PKIB: variants seen among roughly 807,000 people sequenced by gnomAD.
The protein encoded by PKIB is PKI-beta.
Under a neutral mutation model 4.5 loss-of-function variants are expected in PKIB, and 2 were observed. That is an observed-to-expected ratio of 0.44 (90% CI 0.18 to 1.39). The LOEUF is 1.39. Among genes scored for constraint, PKIB ranks in the 40% most tolerant of loss-of-function variants. The probability of loss-of-function intolerance (pLI) is 0.27; values close to 1 mark genes in which losing one functional copy is unlikely to be tolerated. For missense variants in PKIB, 94 were observed against 92.6 expected, an observed-to-expected ratio of 1.02 and a Z score of -0.06; for synonymous variants, 38 against 36.0, an observed-to-expected ratio of 1.06 and a Z score of -0.20.
At chr6:122,547,637 C>G (rs1002455749) in intron 2 of PKIB, among the ~76,000 whole-genome samples, 1 of 151,108 alleles carries the variant, frequency 6.6e-6, no homozygotes, top group Non-Finnish European at 1.5e-5. Flanking sequence ...CGCGCCCGGC[C>G]TATTCAGCAG....
intron 3 of PKIB, among the ~76,000 whole-genome samples, chr6:122,705,936 C>A (rs1010111798): frequency 6.6e-6 from 1 of 152,172 alleles, no homozygotes; most frequent in Non-Finnish European, 1.5e-5. Flanking sequence ...TTACAGGATA[C>A]GTTCACATAT....
At chr6:122,666,786 C>T (rs533022175) in intron 2 of PKIB, among the ~76,000 whole-genome samples, 1 of 152,314 alleles carries the variant, frequency 6.6e-6, no homozygotes, top group Non-Finnish European at 1.5e-5. Flanking sequence ...CAGACAAAGT[C>T]TGAAAAGTAT....
chr6:122,548,371 TA>T (rs984366239), intron 2 of PKIB, among the ~76,000 whole-genome samples: 5 of 151,924 alleles, frequency 3.3e-5, no homozygotes, highest in African/African-American at 7.2e-5. Flanking sequence ...TCTAAAGCAT[TA>T]AAAAAAATAA....
rs571833056 is a variant in PKIB at position 122,707,011 on chromosome 6, T to G, written c.-8-10776T>G. On this transcript the variant is annotated intron_variant, in intron 3 of 4. Coordinates refer to ENST00000368452, the MANE Select transcript of PKIB (RefSeq NM_181795.3). ...TGGCCTCATTTTTCTATTTAACTTA[T>G]ATAGTACTAAAGGACTATAGTAACA... Among the ~76,000 whole-genome samples, 5 of 152,216 alleles carry G rather than the reference T, an allele frequency of 3.3e-5. 1 individual carries two copies. In the South Asian group the frequency reaches 1.0e-3, roughly 32 times the overall value.
intron 2 of PKIB, among the ~76,000 whole-genome samples, chr6:122,555,234 T>A (rs1433415221): frequency 6.6e-6 from 1 of 152,054 alleles, no homozygotes; most frequent in Non-Finnish European, 1.5e-5. Context: ...AATTGAGTAA[T>A]CCACGAGAAG....
chr6:122,715,987 A>T (rs112726587), intron 3 of PKIB, among the ~76,000 whole-genome samples: 13 of 152,182 alleles, frequency 8.5e-5, no homozygotes, highest in African/African-American at 3.1e-4. Flanking sequence ...ACCTCATGGG[A>T]TTATTGGGAG....
chr6:122,585,171 A>G (rs1036179899), intron 2 of PKIB, among the ~76,000 whole-genome samples: 9 of 152,124 alleles, frequency 5.9e-5, no homozygotes, highest in Non-Finnish European at 1.0e-4. Context: ...GTATGCTGTC[A>G]CTTCAATAAA....
chr6:122,650,120 A>G (rs1395044320), intron 2 of PKIB, among the ~76,000 whole-genome samples: 1 of 152,176 alleles, frequency 6.6e-6, no homozygotes, highest in Non-Finnish European at 1.5e-5. Context: ...ATTGTGCTTC[A>G]TTTTTGGTTG....
At chr6:122,494,852 A>G (rs985936629) in intron 2 of PKIB, among the ~76,000 whole-genome samples, 4 of 152,174 alleles carry the variant, frequency 2.6e-5, no homozygotes, top group African/African-American at 9.7e-5. Context: ...CAGAGGATCC[A>G]CACTTCCTCC....
chr6:122,536,915 T>C (rs1373162017), intron 2 of PKIB, among the ~76,000 whole-genome samples: 1 of 145,694 alleles, frequency 6.9e-6, no homozygotes, highest in Non-Finnish European at 1.5e-5. Context: ...TTTTTTTTTT[T>C]AACCAACGAA....
chr6:122,684,988 T>A (rs772902940), intron 3 of PKIB, among the ~76,000 whole-genome samples: 14 of 152,178 alleles, frequency 9.2e-5, no homozygotes, highest in Non-Finnish European at 1.5e-4. Context: ...TTGAAACATT[T>A]CTATAAATTT....
intron 2 of PKIB, among the ~76,000 whole-genome samples, chr6:122,532,533 C>T (rs1777288933): frequency 6.6e-6 from 1 of 152,154 alleles, no homozygotes; most frequent in African/African-American, 2.4e-5. Context: ...TTTTCCCATT[C>T]TCCTCCAGCT....
chr6:122,696,153 T>G (rs139814531), intron 3 of PKIB, among the ~76,000 whole-genome samples: 2 of 152,316 alleles, frequency 1.3e-5, no homozygotes, highest in Non-Finnish European at 1.5e-5. Context: ...AGAGCCATAG[T>G]CTTGAAAGTC....
chr6:122,524,888 A>AT (rs951734068), intron 2 of PKIB, among the ~76,000 whole-genome samples: 110 of 148,860 alleles, frequency 7.4e-4, no homozygotes, highest in Middle Eastern at 3.5e-3. Flanking sequence ...GAGGCTTTCC[A>AT]TTTTTTTGAT....
chr6:122,494,179 C>A (rs1458963661), intron 2 of PKIB, among the ~76,000 whole-genome samples: 2 of 152,000 alleles, frequency 1.3e-5, no homozygotes. Context: ...ATCCAAACAC[C>A]AAAAGTTCAG....
intron 2 of PKIB, among the ~76,000 whole-genome samples, chr6:122,583,309 G>T (rs1203315344): frequency 6.6e-6 from 1 of 151,986 alleles, no homozygotes; most frequent in Non-Finnish European, 1.5e-5. Flanking sequence ...TGTGAGATAG[G>T]CATGCCCAAG....
At chr6:122,560,274 C>CT (rs376978096) in intron 2 of PKIB, among the ~76,000 whole-genome samples, 3,383 of 146,106 alleles carry the variant, frequency 0.023, 62 homozygotes, top group Admixed American at 0.046. Context: ...TTGTTGAATG[C>CT]TTTTTTTTTT....
At chr6:122,552,793 G>GGCATCCTCTTT (rs1772717055) in intron 2 of PKIB, among the ~76,000 whole-genome samples, 1 of 152,072 alleles carries the variant, frequency 6.6e-6, no homozygotes, top group Non-Finnish European at 1.5e-5. Context: ...GCAGCATCAA[G>GGCATCCTCTTT]GCATCCTCTT....
At chr6:122,681,590 A>C (rs1777897395) in intron 3 of PKIB, among the ~76,000 whole-genome samples, 1 of 152,198 alleles carries the variant, frequency 6.6e-6, no homozygotes, top group African/African-American at 2.4e-5. Flanking sequence ...GTAATTACCT[A>C]ATTGACATTT....
Sources: gnomAD v4.1 joint callset for allele counts (sites outside exome capture counted in the v4.1 genomes callset) on GRCh38, gnomAD v4.1.1 for gene constraint, MANE v1.5 for transcripts, NCBI Gene and HGNC (gene_info 2026-07-23, HGNC 2026-07-21) for gene names.